SLC39A11: variants seen among roughly 807,000 people sequenced by gnomAD.
SLC39A11 encodes the protein zinc transporter ZIP11.
In SLC39A11, 33 loss-of-function variants were observed where a neutral mutation model predicts 36.1. The ratio of observed to expected loss-of-function variants is 0.91; its 90% CI spans 0.69 to 1.22. The LOEUF is 1.22. Among genes scored for constraint, SLC39A11 ranks in the 50% most tolerant of loss-of-function variants. The probability of loss-of-function intolerance (pLI) is 0.00; values close to 1 mark genes in which losing one functional copy is unlikely to be tolerated. For synonymous variants in SLC39A11, 166 were observed against 170.3 expected (o/e 0.97, Z 0.20); for missense variants, 432 against 430.3 (o/e 1.00, Z -0.03).
intron 5 of SLC39A11, among the ~76,000 whole-genome samples, chr17:72,907,388 G>T (rs1050103370): frequency 1.1e-4 from 17 of 152,174 alleles, no homozygotes; most frequent in Non-Finnish European, 5.9e-5. Flanking sequence ...TACTCGGGAG[G>T]CTGAGGCACA....
At chr17:73,022,030 GGTC>G (rs1226313847) in intron 4 of SLC39A11, among the ~76,000 whole-genome samples, 2 of 152,322 alleles carry the variant, frequency 1.3e-5, no homozygotes, top group East Asian at 3.9e-4. Context: ...TCTGAACCCT[GGTC>G]AAAAGCCAGA....
chr17:72,939,233 G>C (rs1007610370), intron 5 of SLC39A11, among the ~76,000 whole-genome samples: 1 of 152,154 alleles, frequency 6.6e-6, no homozygotes, highest in African/African-American at 2.4e-5. Flanking sequence ...GGCCGAGGTG[G>C]GTGGGTCACC....
chr17:72,873,048 C>G (rs1437259965), intron 5 of SLC39A11, among the ~76,000 whole-genome samples: 1 of 144,210 alleles, frequency 6.9e-6, no homozygotes, highest in Non-Finnish European at 1.5e-5. Context: ...GGGCAAGACT[C>G]CATCTCAAAA....
At chr17:73,086,009 C>A (rs2060717649) in intron 2 of SLC39A11, among the ~76,000 whole-genome samples, 1 of 152,098 alleles carries the variant, frequency 6.6e-6, no homozygotes, top group South Asian at 2.1e-4. Flanking sequence ...CAGCCAGATG[C>A]AGAACAGTAC....
intron 5 of SLC39A11, among the ~76,000 whole-genome samples, chr17:72,867,458 C>T (rs570516829): frequency 6.6e-6 from 1 of 152,240 alleles, no homozygotes; most frequent in Non-Finnish European, 1.5e-5. Flanking sequence ...TGAGATCGCG[C>T]CACTGTACTC....
At chr17:72,899,625 C>T (rs2082215879) in intron 5 of SLC39A11, among the ~76,000 whole-genome samples, 1 of 152,238 alleles carries the variant, frequency 6.6e-6, no homozygotes, top group African/African-American at 2.4e-5. Flanking sequence ...GGAAAGGAGA[C>T]AGCAGCAAGG....
chr17:72,826,830 TA>T (rs1316349470), intron 6 of SLC39A11, among the ~76,000 whole-genome samples: 1 of 151,668 alleles, frequency 6.6e-6, no homozygotes. Context: ...ATGGCTATAA[TA>T]AAAAAAAGCA....
chr17:72,655,305 C>T (rs1420489885), intron 7 of SLC39A11, among the ~76,000 whole-genome samples: 1 of 152,236 alleles, frequency 6.6e-6, no homozygotes, highest in Non-Finnish European at 1.5e-5. Flanking sequence ...GTGGGGGTGG[C>T]CCAGTGGAGG....
At chr17:72,762,083 G>C (rs190800237) in intron 6 of SLC39A11, among the ~76,000 whole-genome samples, 1 of 152,214 alleles carries the variant, frequency 6.6e-6, no homozygotes, top group East Asian at 1.9e-4. Flanking sequence ...TGCTGTCAGC[G>C]TCAGAGGCGT....
intron 3 of SLC39A11, among the ~76,000 whole-genome samples, chr17:73,075,949 T>G (rs2060304937): frequency 6.6e-6 from 1 of 152,194 alleles, no homozygotes; most frequent in African/African-American, 2.4e-5. Flanking sequence ...GGTATATACC[T>G]CAAAGAGTCA....
At chr17:72,722,636 T>C (rs2073738698) in intron 7 of SLC39A11, among the ~76,000 whole-genome samples, 1 of 133,416 alleles carries the variant, frequency 7.5e-6, no homozygotes, top group African/African-American at 3.6e-5. Flanking sequence ...TAAATAACAC[T>C]TTTTTTTTTC....
intron 5 of SLC39A11, among the ~76,000 whole-genome samples, chr17:72,879,960 C>A (rs78511368): frequency 5.9e-5 from 9 of 152,184 alleles, no homozygotes; most frequent in African/African-American, 2.2e-4. Flanking sequence ...ACATTTTACC[C>A]CATCATTTGT....
chr17:72,814,339 G>A (rs981719047), intron 6 of SLC39A11, among the ~76,000 whole-genome samples: 5 of 152,214 alleles, frequency 3.3e-5, no homozygotes, highest in African/African-American at 1.2e-4. Context: ...TCGGCCCCCA[G>A]TGGTCCCATG....
chr17:72,720,778 C>T (rs1403514208), intron 7 of SLC39A11, among the ~76,000 whole-genome samples: 1 of 152,120 alleles, frequency 6.6e-6, no homozygotes, highest in East Asian at 1.9e-4. Flanking sequence ...AGAAAAGCAA[C>T]GCATCAAGGT....
At chr17:73,044,026 T>G (rs2059191134) in intron 3 of SLC39A11, among the ~76,000 whole-genome samples, 1 of 152,154 alleles carries the variant, frequency 6.6e-6, no homozygotes, top group African/African-American at 2.4e-5. Flanking sequence ...TCAATTACAG[T>G]TATTAATTAA....
chr17:72,798,323 T>C (rs7503479), intron 6 of SLC39A11, among the ~76,000 whole-genome samples: 91,428 of 151,688 alleles, frequency 0.6, 29,212 homozygotes, highest in Non-Finnish European at 0.73. Context: ...TCTTGGTGAG[T>C]AATCTTCAGG....
At chr17:72,759,650 T>C (rs896980892) in intron 6 of SLC39A11, among the ~76,000 whole-genome samples, 1 of 152,122 alleles carries the variant, frequency 6.6e-6, no homozygotes, top group African/African-American at 2.4e-5. Context: ...GTCCATTCCA[T>C]CTTAACATCA....
At chr17:72,885,726 C>T (rs2146629079) in intron 5 of SLC39A11, among the ~76,000 whole-genome samples, 1 of 152,280 alleles carries the variant, frequency 6.6e-6, no homozygotes, top group Non-Finnish European at 1.5e-5. Flanking sequence ...TTTACTCCAA[C>T]CTCCCACCTA....
At chr17:72,856,956 C>G (rs1210446698) in intron 5 of SLC39A11, among the ~76,000 whole-genome samples, 1 of 152,228 alleles carries the variant, frequency 6.6e-6, no homozygotes, top group East Asian at 1.9e-4. Context: ...GCTGGGATTA[C>G]AGGCGTAAGC....
Sources: allele counts gnomAD v4.1 joint callset (sites outside exome capture counted in the v4.1 genomes callset), GRCh38; gene constraint gnomAD v4.1.1; transcripts MANE v1.5; gene names NCBI Gene and HGNC (gene_info 2026-07-23, HGNC 2026-07-21).